Variants in AGBL1 observed in about 807,000 individuals in gnomAD.
The protein encoded by AGBL1 is AGBL carboxypeptidase 1, also known as cytosolic carboxypeptidase 4.
A neutral mutation model predicts 118.9 loss-of-function variants in AGBL1; 130 were observed. That is an observed-to-expected ratio of 1.09 (90% confidence interval 0.95 to 1.26). The LOEUF (loss-of-function observed/expected upper bound fraction) is 1.26, where lower values mean the gene tolerates loss of function less well. Among genes scored for constraint, AGBL1 ranks in the 50% most tolerant of loss-of-function variants. The pLI is 0.00. For synonymous variants in AGBL1, 555 were observed against 478.9 expected, an observed-to-expected ratio of 1.16 and a Z score of -2.08; for missense variants, 1,584 against 1,298.1, an observed-to-expected ratio of 1.22 and a Z score of -3.38.
chr15:86,267,991 A>G (rs934821217), intron 13 of AGBL1, among the ~76,000 whole-genome samples: 1 of 152,346 alleles, frequency 6.6e-6, no homozygotes, highest in Middle Eastern at 3.4e-3. Context: ...AATGAGAACA[A>G]TAATCGCACC....
intron 22 of AGBL1, among the ~76,000 whole-genome samples, chr15:86,839,720 G>C (rs1450308735): frequency 6.6e-6 from 1 of 152,126 alleles, no homozygotes; most frequent in Non-Finnish European, 1.5e-5. Flanking sequence ...ATTGCCTCCT[G>C]TCAAGGAATT....
chr15:86,090,866 C>G (rs1895975259), intron 1 of AGBL1, among the ~76,000 whole-genome samples: 1 of 152,142 alleles, frequency 6.6e-6, no homozygotes, highest in Non-Finnish European at 1.5e-5. Context: ...CTCTGCCATA[C>G]TACTATTCAC....
intron 21 of AGBL1, among the ~76,000 whole-genome samples, chr15:86,605,714 A>T (rs1255697913): frequency 6.6e-6 from 1 of 152,040 alleles, no homozygotes; most frequent in Non-Finnish European, 1.5e-5. Context: ...AATATCGCAA[A>T]AAGTTCATAT....
chr15:86,524,012 C>G (rs1199631664), intron 19 of AGBL1, among the ~76,000 whole-genome samples: 1 of 152,198 alleles, frequency 6.6e-6, no homozygotes, highest in Non-Finnish European at 1.5e-5. Flanking sequence ...ATCAATTAAT[C>G]ATCTCTACCT....
chr15:86,485,215 A>G lies in AGBL1; in HGVS notation c.2556-37595A>G, dbSNP rs576250261. Among the ~76,000 whole-genome samples, 28 of 152,296 alleles carry G rather than the reference A, an allele frequency of 1.8e-4. No individual in the cohort carries two copies. The South Asian group carries it at 5.6e-3, about 30-fold the overall frequency. On this transcript the variant is annotated intron_variant, in intron 18 of 22. Transcript: ENST00000614907. Reference sequence around the variant, plus strand: ...GAGTTTGTTAGAAATGCACAATCTCAGGCCTCGTGCCAAACCTGTGAAATT... The same window carrying G: ...GAGTTTGTTAGAAATGCACAATCTCGGGCCTCGTGCCAAACCTGTGAAATT...
intron 18 of AGBL1, among the ~76,000 whole-genome samples, chr15:86,513,717 A>G (rs185863526): frequency 3.3e-5 from 5 of 152,172 alleles, no homozygotes; most frequent in Admixed American, 2.6e-4. Context: ...TTGGAATTCT[A>G]CTAAAATTAA....
At chr15:86,759,963 A>T (rs1596457037) in intron 22 of AGBL1, among the ~76,000 whole-genome samples, 1 of 152,204 alleles carries the variant, frequency 6.6e-6, no homozygotes, top group South Asian at 2.1e-4. Context: ...GGTTATTTTT[A>T]GACTTACTGA....
At chr15:86,538,717 G>A (rs79743417) in intron 19 of AGBL1, among the ~76,000 whole-genome samples, 1 of 152,194 alleles carries the variant, frequency 6.6e-6, no homozygotes, top group Non-Finnish European at 1.5e-5. Context: ...TCTTGATACT[G>A]GGAAGCAGGA....
In AGBL1 at chr15:86,776,535, G is replaced by C. The variant is rs538355909; in HGVS notation, c.3158+102099G>C. Reference sequence around the variant, plus strand: ...TTCTTTTTTTTCTTATTGATTTGTAGAAGTTCATTCTGTATCTTGAGAACT... The same window carrying C: ...TTCTTTTTTTTCTTATTGATTTGTACAAGTTCATTCTGTATCTTGAGAACT... On this transcript the variant is annotated intron_variant, in intron 22 of 22. Transcript: ENST00000614907. Among the ~76,000 whole-genome samples the C allele has an allele frequency of 6.0e-5, 9 of 151,164 alleles. No individual in the cohort carries two copies. In the South Asian group the frequency reaches 1.7e-3, roughly 28 times the overall value.
chr15:86,365,027 A>ATC, intron 17 of AGBL1, among the ~76,000 whole-genome samples: 1 of 135,958 alleles, frequency 7.4e-6, no homozygotes, highest in Non-Finnish European at 1.5e-5. Flanking sequence ...ATATATATAT[A>ATC]CACACACATA....
chr15:86,339,358 G>C (rs771959832), intron 17 of AGBL1, among the ~76,000 whole-genome samples: 1 of 152,134 alleles, frequency 6.6e-6, no homozygotes, highest in African/African-American at 2.4e-5. Context: ...TGTTTGCCCA[G>C]CTTCTTGAAT....
intron 22 of AGBL1, among the ~76,000 whole-genome samples, chr15:86,710,178 G>A (rs199641981): frequency 8.6e-5 from 13 of 151,956 alleles, no homozygotes; most frequent in Non-Finnish European, 1.6e-4. Flanking sequence ...GCTGAACTTA[G>A]AAAAAAATGT....
intron 18 of AGBL1, among the ~76,000 whole-genome samples, chr15:86,486,903 C>T (rs1228818061): frequency 6.6e-6 from 1 of 152,020 alleles, no homozygotes; most frequent in Non-Finnish European, 1.5e-5. Context: ...GCCGAGTTCC[C>T]AGCTTGAGTC....
chr15:86,834,464 A>G (rs1421861468), intron 22 of AGBL1, among the ~76,000 whole-genome samples: 1 of 152,196 alleles, frequency 6.6e-6, no homozygotes, highest in Non-Finnish European at 1.5e-5. Flanking sequence ...CCACCAGCTA[A>G]AGAGAGCTCC....
At chr15:86,804,087 A>G (rs2078687097) in intron 22 of AGBL1, among the ~76,000 whole-genome samples, 1 of 152,204 alleles carries the variant, frequency 6.6e-6, no homozygotes, top group African/African-American at 2.4e-5. Context: ...AGTACAGGCT[A>G]GAAGACAAAG....
At chr15:86,622,704 G>A (rs890420759) in intron 21 of AGBL1, among the ~76,000 whole-genome samples, 1 of 152,054 alleles carries the variant, frequency 6.6e-6, no homozygotes, top group Non-Finnish European at 1.5e-5. Flanking sequence ...TTGGCACCAG[G>A]GACTGGTTTC....
chr15:86,875,584 C>T (rs1370554366), intron 22 of AGBL1, among the ~76,000 whole-genome samples: 1 of 152,140 alleles, frequency 6.6e-6, no homozygotes, highest in Non-Finnish European at 1.5e-5. Context: ...ATTAAAGATA[C>T]AATGTTAGCA....
chr15:86,410,429 A>G (rs576056197), intron 18 of AGBL1, among the ~76,000 whole-genome samples: 2 of 152,230 alleles, frequency 1.3e-5, no homozygotes, highest in East Asian at 3.9e-4. Context: ...AAGAAGACCC[A>G]CTTTAGGTCA....
intron 18 of AGBL1, among the ~76,000 whole-genome samples, chr15:86,514,405 A>T (rs986272741): frequency 1.3e-5 from 2 of 152,066 alleles, no homozygotes; most frequent in Non-Finnish European, 2.9e-5. Flanking sequence ...AAATTTGTGT[A>T]TTGTTCTTTT....
Sources: gnomAD v4.1 joint callset for allele counts (sites outside exome capture counted in the v4.1 genomes callset) on GRCh38, gnomAD v4.1.1 for gene constraint, MANE v1.5 for transcripts, NCBI Gene and HGNC (gene_info 2026-07-23, HGNC 2026-07-21) for gene names.